The following DCBLD2 variants were observed in gnomAD, a reference collection of about 807,000 sequenced individuals.
DCBLD2 encodes discoidin, CUB and LCCL domain-containing protein 2.
In DCBLD2, 54 loss-of-function variants were observed where a neutral mutation model predicts 86.8. That is an observed-to-expected ratio of 0.62 (90% CI 0.50 to 0.78). The LOEUF (loss-of-function observed/expected upper bound fraction) is 0.78. Among genes scored for constraint, DCBLD2 ranks in the 30% least tolerant of loss-of-function variants. The pLI, the probability that DCBLD2 is intolerant of heterozygous loss-of-function variation, is 0.00. For missense variants in DCBLD2, 908 were observed against 954.2 expected (o/e 0.95, Z 0.64); for synonymous variants, 354 against 341.3 (o/e 1.04, Z -0.41).
At chr3:98,880,213 C>A (rs1943441030) in intron 2 of DCBLD2, among the ~76,000 whole-genome samples, 1 of 151,624 alleles carries the variant, frequency 6.6e-6, no homozygotes, top group Non-Finnish European at 1.5e-5. Context: ...AGATAAGAGG[C>A]CAAAAAAGTA....
intron 13 of DCBLD2, among the ~76,000 whole-genome samples, chr3:98,803,633 G>A (rs1265115523): frequency 6.6e-6 from 1 of 152,180 alleles, no homozygotes; most frequent in African/African-American, 2.4e-5. Context: ...AGTTTTCAAA[G>A]GCAATGCTTC....
At chr3:98,860,461 G>C (rs955985209) in intron 2 of DCBLD2, among the ~76,000 whole-genome samples, 1 of 151,120 alleles carries the variant, frequency 6.6e-6, no homozygotes, top group Non-Finnish European at 1.5e-5. Context: ...AAAATGATGA[G>C]AGCAGCCAGA....
At chr3:98,800,757 A>G (rs866101726) in intron 14 of DCBLD2, 41 bp from the exon 15 acceptor site, 1 of 1,613,052 alleles carries the variant, frequency 6.2e-7, no homozygotes, top group Middle Eastern at 1.6e-4. Context: ...TTAAATAAAA[A>G]CCTGTATCTC....
intron 2 of DCBLD2, among the ~76,000 whole-genome samples, chr3:98,878,978 C>T (rs558482588): frequency 3.3e-4 from 50 of 152,288 alleles, no homozygotes; most frequent in African/African-American, 1.2e-3. Context: ...CAAGTAACTC[C>T]TGGAGCTTTG....
At chr3:98,848,296 A>T (rs906906428) in intron 3 of DCBLD2, among the ~76,000 whole-genome samples, 1 of 152,224 alleles carries the variant, frequency 6.6e-6, no homozygotes, top group African/African-American at 2.4e-5. Context: ...CCCTGCAAAG[A>T]ACATCTCATT....
At chr3:98,860,530 G>C (rs964835033) in intron 2 of DCBLD2, among the ~76,000 whole-genome samples, 9 of 152,164 alleles carry the variant, frequency 5.9e-5, no homozygotes, top group African/African-American at 2.2e-4. Context: ...GATCTTTCAG[G>C]AGAAACTCTA....
chr3:98,803,389 G>C (rs1344035229), intron 13 of DCBLD2, among the ~76,000 whole-genome samples: 1 of 152,172 alleles, frequency 6.6e-6, no homozygotes, highest in Non-Finnish European at 1.5e-5. Flanking sequence ...TTTGTACATT[G>C]ATTTTGTATC....
Position 98,881,610 on chromosome 3 carries a change from T to C in DCBLD2, c.363A>G (p.Glu121=). 6.2e-7 allele frequency: 1 copy of C among 1,613,982 alleles called. No individual in the cohort carries two copies. The highest frequency in any genetic ancestry group is 1.7e-4 in the Middle Eastern group (1 of 6,060). ...VRIKFGDFDI[E]DSDSCHFNYL... is the part of the protein sequence containing the mutation. The stretch of plus-strand genomic sequence containing the variant: ...AATTAAAGTGACAAGAATCAGAATC[T>C]TCAATGTCAAAGTCACCAAATTTGA... The change falls in exon 2 of 16, where the codon GAA becomes GAG. Residue 121 remains glutamate, a synonymous_variant. Transcript: ENST00000326840.
chr3:98,816,066 A>G (rs535653649), intron 9 of DCBLD2: 79 of 151,760 alleles, frequency 5.2e-4, no homozygotes, highest in African/African-American at 1.8e-3. Context: ...AAATATAAAA[A>G]AGCCACATCA....
chr3:98,828,841 G>T (rs539051259), intron 3 of DCBLD2, among the ~76,000 whole-genome samples: 43 of 152,268 alleles, frequency 2.8e-4, no homozygotes, highest in Admixed American at 2.6e-4. Context: ...AAAAAGAAAT[G>T]AAGTACTGAT....
At chr3:98,866,953 T>C (rs1943159034) in intron 2 of DCBLD2, among the ~76,000 whole-genome samples, 1 of 152,262 alleles carries the variant, frequency 6.6e-6, no homozygotes. Flanking sequence ...GAACCATTTA[T>C]TAAATAGGGA....
At chr3:98,862,433 C>A (rs1230162508) in intron 2 of DCBLD2, among the ~76,000 whole-genome samples, 1 of 152,192 alleles carries the variant, frequency 6.6e-6, no homozygotes, top group East Asian at 1.9e-4. Flanking sequence ...GAATTTTAGA[C>A]CAATATCCCT....
At chr3:98,844,343 T>TTTATTATTA (rs10530611) in intron 3 of DCBLD2, among the ~76,000 whole-genome samples, 11,328 of 145,840 alleles carry the variant, frequency 0.078, 563 homozygotes, top group African/African-American at 0.12. Context: ...GTCAGTAGCA[T>TTTATTATTA]TTATTATTAT....
chr3:98,893,881 G>T (rs1438523226), intron 1 of DCBLD2, among the ~76,000 whole-genome samples: 1 of 152,190 alleles, frequency 6.6e-6, no homozygotes, highest in African/African-American at 2.4e-5. Flanking sequence ...GTACAAATCA[G>T]CTTTACAAAG....
intron 15 of DCBLD2, among the ~76,000 whole-genome samples, chr3:98,800,236 G>C (rs1165362821): frequency 6.6e-6 from 1 of 152,048 alleles, no homozygotes; most frequent in Non-Finnish European, 1.5e-5. Flanking sequence ...ATTAGGAAAT[G>C]TTTAAAATAA....
intron 2 of DCBLD2, among the ~76,000 whole-genome samples, chr3:98,874,567 T>C (rs1451878436): frequency 6.6e-6 from 1 of 152,226 alleles, no homozygotes; most frequent in African/African-American, 2.4e-5. Context: ...AATCAGTGGA[T>C]ACTTCCTATT....
chr3:98,857,185 G>A (rs1429145225), intron 2 of DCBLD2, among the ~76,000 whole-genome samples: 2 of 152,300 alleles, frequency 1.3e-5, no homozygotes, highest in East Asian at 1.9e-4. Context: ...GTCTGGAGTT[G>A]TTCATTCCTC....
intron 13 of DCBLD2, 93 bp downstream of exon 13, chr3:98,807,984 TCTCA>T (rs1180913686): frequency 2.6e-5 from 23 of 873,354 alleles, no homozygotes; most frequent in Non-Finnish European, 3.4e-5. Context: ...TTACCTTAAC[TCTCA>T]CTCTCAAACA....
At chr3:98,844,723 T>C (rs910644368) in intron 3 of DCBLD2, among the ~76,000 whole-genome samples, 1 of 152,168 alleles carries the variant, frequency 6.6e-6, no homozygotes, top group Admixed American at 6.5e-5. Context: ...CTTACTGTGG[T>C]AGGTTCTGCC....
Sources: gnomAD v4.1 joint callset for allele counts (sites outside exome capture counted in the v4.1 genomes callset) on GRCh38, gnomAD v4.1.1 for gene constraint, MANE v1.5 for transcripts, NCBI Gene and HGNC (gene_info 2026-07-23, HGNC 2026-07-21) for gene names.